The following ACTR3C variants were observed in gnomAD, a reference collection of about 807,000 sequenced individuals.
ACTR3C encodes actin-related protein 3C.
ACTR3C carries 18 observed loss-of-function variants against 26.3 expected under a neutral mutation model. The ratio of observed to expected loss-of-function variants is 0.68; its 90% confidence interval spans 0.47 to 1.01. ACTR3C has a LOEUF of 1.01. Ranked by LOEUF, ACTR3C falls within the 50% of genes least tolerant of loss-of-function variation. The pLI, the probability that ACTR3C is intolerant of heterozygous loss-of-function variation, is 0.00. For synonymous variants in ACTR3C, 55 were observed against 94.5 expected, an observed-to-expected ratio of 0.58 and a Z score of 2.42; for missense variants, 184 against 250.7, an observed-to-expected ratio of 0.73 and a Z score of 1.80.
chr7:150,110,741 G>A, the ACTR3C span, among the ~76,000 whole-genome samples: 14,342 of 139,234 alleles, frequency 0.1, 68 homozygotes, highest in Middle Eastern at 0.15. Context: ...AAGGGCCAGA[G>A]CCAGCAGGGG....
the ACTR3C span, among the ~76,000 whole-genome samples, chr7:150,035,776 G>C: frequency 7.2e-6 from 1 of 139,346 alleles, no homozygotes; most frequent in Non-Finnish European, 1.6e-5. Context: ...CTCTGCGATG[G>C]GGTTCCTAAG....
the ACTR3C span, among the ~76,000 whole-genome samples, chr7:149,934,569 T>C: frequency 6.6e-6 from 1 of 152,118 alleles, no homozygotes. Flanking sequence ...AACCAAAGAG[T>C]TGAACTTCAT....
the ACTR3C span, among the ~76,000 whole-genome samples, chr7:150,231,660 A>G: frequency 6.6e-6 from 1 of 151,128 alleles, no homozygotes; most frequent in East Asian, 1.9e-4. Flanking sequence ...ACAATCTCCA[A>G]ATATTTGGGA....
chr7:150,094,746 C>T, the ACTR3C span, among the ~76,000 whole-genome samples: 10 of 150,888 alleles, frequency 6.6e-5, 1 homozygote, highest in East Asian at 7.7e-4. Flanking sequence ...CGGAGCTCAG[C>T]GCCTAGGAAG....
intron 1 of ACTR3C, among the ~76,000 whole-genome samples, chr7:150,304,609 C>T (rs1795668554): frequency 6.6e-6 from 1 of 151,782 alleles, no homozygotes; most frequent in African/African-American, 2.4e-5. Flanking sequence ...CTCCTTCTTC[C>T]TCCTCCCTCC....
the ACTR3C span, among the ~76,000 whole-genome samples, chr7:149,980,956 C>T: frequency 6.6e-6 from 1 of 151,266 alleles, no homozygotes; most frequent in Admixed American, 6.6e-5. Context: ...ATGCATTGAT[C>T]GTTTGTCTAT....
the ACTR3C span, among the ~76,000 whole-genome samples, chr7:149,895,472 T>C: frequency 6.6e-6 from 1 of 152,210 alleles, no homozygotes. Flanking sequence ...ACAATGTATA[T>C]AGACTTCAAA....
chr7:150,237,651 T>C, the ACTR3C span, among the ~76,000 whole-genome samples: 1 of 152,266 alleles, frequency 6.6e-6, no homozygotes, highest in South Asian at 2.1e-4. Context: ...TGCTTTGGAA[T>C]CCACGGCAGC....
At chr7:150,178,666 A>G in the ACTR3C span, among the ~76,000 whole-genome samples, 4 of 150,516 alleles carry the variant, frequency 2.7e-5, no homozygotes, top group Non-Finnish European at 5.9e-5. Flanking sequence ...GGCAGTATGA[A>G]CTCCTTTGAC....
chr7:150,107,975 G>A, the ACTR3C span, among the ~76,000 whole-genome samples: 1 of 151,834 alleles, frequency 6.6e-6, no homozygotes, highest in African/African-American at 2.4e-5. Context: ...TGAGGATGAT[G>A]GAATAATTAG....
chr7:150,123,135 A>G, the ACTR3C span, among the ~76,000 whole-genome samples: 1 of 151,894 alleles, frequency 6.6e-6, no homozygotes, highest in African/African-American at 2.4e-5. Context: ...CCTAATGTAG[A>G]TGACGGGTTG....
chr7:150,006,185 A>AATTT, the ACTR3C span, among the ~76,000 whole-genome samples: 181 of 139,100 alleles, frequency 1.3e-3, 2 homozygotes, highest in East Asian at 8.9e-3. Context: ...AATTGCACAG[A>AATTT]ATTTATTTAT....
At chr7:150,164,149 C>A in the ACTR3C span, among the ~76,000 whole-genome samples, 1 of 152,114 alleles carries the variant, frequency 6.6e-6, no homozygotes, top group African/African-American at 2.4e-5. Context: ...GCCTTGTGAG[C>A]TGTTGTTGGG....
At chr7:150,087,345 AAGT>A in the ACTR3C span, among the ~76,000 whole-genome samples, 2 of 152,226 alleles carry the variant, frequency 1.3e-5, no homozygotes, top group Admixed American at 6.5e-5. Flanking sequence ...GATTAAAATG[AAGT>A]AGGAGAGATT....
the ACTR3C span, among the ~76,000 whole-genome samples, chr7:149,955,681 A>G: frequency 6.6e-6 from 1 of 152,164 alleles, no homozygotes; most frequent in Non-Finnish European, 1.5e-5. Flanking sequence ...AAGAAGAGAA[A>G]CTATTAATTA....
chr7:150,214,722 A>C, the ACTR3C span, among the ~76,000 whole-genome samples: 3 of 152,008 alleles, frequency 2.0e-5, no homozygotes, highest in Admixed American at 1.3e-4. Context: ...ACGGTAATAA[A>C]TATGAAGAAA....
At chr7:150,233,865 T>C in the ACTR3C span, among the ~76,000 whole-genome samples, 2 of 152,202 alleles carry the variant, frequency 1.3e-5, no homozygotes, top group African/African-American at 2.4e-5. Context: ...TGTTTTTTCT[T>C]GCTTTTTTTC....
chr7:150,067,972 T>C, the ACTR3C span, among the ~76,000 whole-genome samples: 1 of 152,156 alleles, frequency 6.6e-6, no homozygotes, highest in Non-Finnish European at 1.5e-5. Flanking sequence ...ATTTCATTTG[T>C]CAGAATCTTC....
At chr7:150,110,377 AC>A in the ACTR3C span, among the ~76,000 whole-genome samples, 1 of 148,114 alleles carries the variant, frequency 6.8e-6, no homozygotes, top group East Asian at 2.0e-4. Flanking sequence ...CAGGGGCAAG[AC>A]CCAGGAACCC....
Sources: allele counts gnomAD v4.1 joint callset (sites outside exome capture counted in the v4.1 genomes callset), GRCh38; gene constraint gnomAD v4.1.1; transcripts MANE v1.5; gene names NCBI Gene and HGNC (gene_info 2026-07-23, HGNC 2026-07-21).